The following PTPRK variants were observed in gnomAD, a reference collection of about 807,000 sequenced individuals.
PTPRK encodes protein tyrosine phosphatase receptor type K.
PTPRK carries 75 observed loss-of-function variants against 178.0 expected under a neutral mutation model. That is an observed-to-expected ratio of 0.42 (90% CI 0.35 to 0.51). The LOEUF is 0.51. Ranked by LOEUF, PTPRK falls within the 20% of genes least tolerant of loss-of-function variation. The pLI is 0.02. For missense variants in PTPRK, 1,441 were observed against 1,797.8 expected, an observed-to-expected ratio of 0.80 and a Z score of 3.59; for synonymous variants, 637 against 620.6, an observed-to-expected ratio of 1.03 and a Z score of -0.39.
In PTPRK at chr6:128,010,536, C is replaced by T. The variant is rs577352479; in HGVS notation, c.2195-1268G>A. The stretch of plus-strand genomic sequence containing the variant: ...GTTCTATACATCCAAGTATCTGCTC[C>T]ACTTTTCCCAACAGCCACAGATTCT... On this transcript the variant is annotated intron_variant, in intron 13 of 29. Transcript: ENST00000368226. Among the ~76,000 whole-genome samples, 21 of 151,360 alleles carry T rather than the reference C, an allele frequency of 1.4e-4. 1 individual carries two copies. The South Asian group carries it at 4.1e-3, about 30-fold the overall frequency.
At chr6:128,180,530 C>T (rs914692424) in intron 7 of PTPRK, among the ~76,000 whole-genome samples, 2 of 152,070 alleles carry the variant, frequency 1.3e-5, no homozygotes, top group African/African-American at 4.8e-5. Flanking sequence ...ATTACCACCT[C>T]TCCTAAGTCA....
chr6:128,209,865 T>C (rs369319010), intron 6 of PTPRK, among the ~76,000 whole-genome samples: 3 of 151,600 alleles, frequency 2.0e-5, no homozygotes, highest in African/African-American at 7.3e-5. Flanking sequence ...CAAAGGAGAG[T>C]CTTATGAAGG....
At chr6:128,507,001 A>G (rs1305020762) in intron 1 of PTPRK, among the ~76,000 whole-genome samples, 1 of 152,106 alleles carries the variant, frequency 6.6e-6, no homozygotes, top group East Asian at 1.9e-4. Context: ...CTGTAACTCA[A>G]TATTTCTCAA....
At chr6:128,127,357 G>C (rs1337693941) in intron 7 of PTPRK, among the ~76,000 whole-genome samples, 2 of 152,146 alleles carry the variant, frequency 1.3e-5, no homozygotes, top group Non-Finnish European at 2.9e-5. Context: ...TTGAGATTTT[G>C]TTGAATCTTA....
intron 15 of PTPRK, among the ~76,000 whole-genome samples, chr6:128,003,810 A>G (rs1778119080): frequency 6.6e-6 from 1 of 151,862 alleles, no homozygotes; most frequent in Admixed American, 6.6e-5. Context: ...CAGTAATAGT[A>G]TTTTACATTT....
In PTPRK at chr6:128,240,154, T is replaced by C. The variant is rs1814131025; in HGVS notation, c.578-4A>G. ...CGGAGGAAATGAGGAGATTTATCTG[T>C]GAAGGAAGGGAAAAAAAAATGTATT... On this transcript the variant is annotated splice_polypyrimidine_tract_variant and splice_region_variant and intron_variant, in intron 4 of 29. Transcript: ENST00000368226. 2.5e-6 allele frequency: 4 copies of C among 1,588,118 alleles called. No homozygotes were observed. Among genetic ancestry groups the C allele is most frequent in the Non-Finnish European group, 2.6e-6 (3 of 1,164,422 alleles).
At chr6:128,099,367 A>G (rs914970836) in intron 7 of PTPRK, among the ~76,000 whole-genome samples, 5 of 151,922 alleles carry the variant, frequency 3.3e-5, no homozygotes, top group African/African-American at 1.2e-4. Context: ...AAATGCTAAG[A>G]GGGCCCAGTT....
chr6:128,064,648 C>A, intron 13 of PTPRK, 110 bp downstream of exon 13: 1 of 1,393,654 alleles, frequency 7.2e-7, no homozygotes, highest in Non-Finnish European at 9.5e-7. Flanking sequence ...AGTCACAGAA[C>A]TAACTATAAC....
chr6:128,392,185 T>A (rs1156398272), intron 2 of PTPRK, among the ~76,000 whole-genome samples: 1 of 152,122 alleles, frequency 6.6e-6, no homozygotes, highest in East Asian at 1.9e-4. Context: ...AACTACTGAA[T>A]CAGACCTCAC....
chr6:128,040,197 A>C (rs1776935188), intron 13 of PTPRK, among the ~76,000 whole-genome samples: 1 of 152,124 alleles, frequency 6.6e-6, no homozygotes, highest in Non-Finnish European at 1.5e-5. Flanking sequence ...ACATTCTTAG[A>C]CCACCAACAA....
chr6:128,332,891 T>C lies in PTPRK; in HGVS notation c.224-10581A>G, dbSNP rs542041698. 2.1e-3 allele frequency among the ~76,000 whole-genome samples: 315 copies of C among 152,320 alleles called. 3 individuals are homozygous for C. Among genetic ancestry groups the C allele is most frequent in the Non-Finnish European group, 1.1e-3 (73 of 68,028 alleles). On this transcript the variant is annotated intron_variant, in intron 2 of 29. Coordinates refer to ENST00000368226, the MANE Select transcript of PTPRK (RefSeq NM_002844.4). ...ACACACACACTTACTTCACCAACAA[T>C]TTCAAAGGACTCATTGATCTAAGTT...
rs1792577990 is a variant in PTPRK at position 128,122,167 on chromosome 6, T to C, written c.1163-32175A>G. ...TTACGTATGCTTGTAGCAGAGTTTA[T>C]AAGTTTTTACATTATTAAGAAGGAA... On this transcript the variant is annotated intron_variant, in intron 7 of 29. Transcript: ENST00000368226. 3.3e-5 allele frequency among the ~76,000 whole-genome samples: 5 copies of C among 152,248 alleles called. No individual in the cohort carries two copies. In the South Asian group the frequency reaches 1.0e-3, roughly 32 times the overall value.
At chr6:128,039,666 C>T (rs988426150) in intron 13 of PTPRK, among the ~76,000 whole-genome samples, 3 of 152,168 alleles carry the variant, frequency 2.0e-5, no homozygotes, top group African/African-American at 7.2e-5. Context: ...TTCCAAAGAA[C>T]GTGTCTTAGC....
Position 128,219,000 on chromosome 6 carries a change from C to G in PTPRK, c.790G>C (p.Asp264His). ...SFRLQEVTKTDQDLYRCVTQS... is the reference protein window; with the variant it reads ...SFRLQEVTKTHQDLYRCVTQS... ...GTTACACAGCGATACAAATCCTGGTCAGTTTTTGTCACTTCTTGCAATCTG... is the reference window on the plus strand; with the variant it reads ...GTTACACAGCGATACAAATCCTGGTGAGTTTTTGTCACTTCTTGCAATCTG... Residue 264 changes from aspartate to histidine, a missense_variant, in exon 6 of 30, where the codon GAC (aspartate) becomes CAC (histidine). Transcript: ENST00000368226. 6.2e-7 allele frequency: 1 copy of G among 1,614,024 alleles called. No individual in the cohort carries two copies. The highest frequency in any genetic ancestry group is 2.2e-5 in the East Asian group (1 of 44,864).
intron 15 of PTPRK, among the ~76,000 whole-genome samples, chr6:128,003,888 C>A (rs1455185136): frequency 3.3e-5 from 5 of 151,750 alleles, no homozygotes; most frequent in African/African-American, 1.2e-4. Context: ...ATGATTATAA[C>A]TAAATTCCAA....
intron 3 of PTPRK, among the ~76,000 whole-genome samples, chr6:128,246,735 A>G (rs1279836161): frequency 6.6e-6 from 1 of 152,208 alleles, no homozygotes; most frequent in Non-Finnish European, 1.5e-5. Context: ...GAGCAATGAA[A>G]GCCATACCAG....
Position 128,106,776 on chromosome 6 carries a change from T to C in PTPRK, c.1163-16784A>G, listed in dbSNP as rs948701905. On this transcript the variant is annotated intron_variant, in intron 7 of 29. Transcript: ENST00000368226. ...CTATGGGGAGAATTGTTTAAAAAGT[T>C]TAGTCGTTTATTTATCTTCAATATA... Among the ~76,000 whole-genome samples, 9 of 152,156 alleles carry C rather than the reference T, an allele frequency of 5.9e-5. 1 individual carries two copies. The East Asian group carries it at 1.3e-3, about 23-fold the overall frequency.
At chr6:128,374,311 T>C (rs929817861) in intron 2 of PTPRK, among the ~76,000 whole-genome samples, 2 of 152,152 alleles carry the variant, frequency 1.3e-5, no homozygotes, top group African/African-American at 2.4e-5. Flanking sequence ...TGTGATTTCA[T>C]CCAGTCTCAT....
At chr6:128,429,918 C>T (rs1844611885) in intron 1 of PTPRK, among the ~76,000 whole-genome samples, 1 of 152,120 alleles carries the variant, frequency 6.6e-6, no homozygotes, top group Non-Finnish European at 1.5e-5. Context: ...AAACTATAGG[C>T]ATTTTATCAT....
Sources: gnomAD v4.1 joint callset for allele counts (sites outside exome capture counted in the v4.1 genomes callset) on GRCh38, gnomAD v4.1.1 for gene constraint, MANE v1.5 for transcripts, NCBI Gene and HGNC (gene_info 2026-07-23, HGNC 2026-07-21) for gene names.